Variants in DGKI observed in about 807,000 individuals in gnomAD.
The protein encoded by DGKI is DAG kinase iota.
In DGKI, 55 loss-of-function variants were observed where a neutral mutation model predicts 147.5. That is an observed-to-expected ratio of 0.37 (90% CI 0.30 to 0.47). DGKI has a LOEUF of 0.47. Among genes scored for constraint, DGKI ranks in the 20% least tolerant of loss-of-function variants. The pLI, the probability that DGKI is intolerant of heterozygous loss-of-function variation, is 1.00. For missense variants in DGKI, 1,007 were observed against 1,323.8 expected (o/e 0.76, Z 3.71); for synonymous variants, 469 against 477.1 (o/e 0.98, Z 0.22).
intron 19 of DGKI, among the ~76,000 whole-genome samples, chr7:137,561,246 A>C (rs574132366): frequency 6.6e-6 from 1 of 152,350 alleles, no homozygotes; most frequent in African/African-American, 2.4e-5. Context: ...TCAGCCATTA[A>C]AAAGAATGAA....
intron 1 of DGKI, among the ~76,000 whole-genome samples, chr7:137,745,873 A>T (rs1795310842): frequency 6.6e-6 from 1 of 152,222 alleles, no homozygotes; most frequent in African/African-American, 2.4e-5. Flanking sequence ...TTCGTTCTAG[A>T]TTTACTGTTG....
intron 8 of DGKI, among the ~76,000 whole-genome samples, chr7:137,617,668 C>T (rs867266509): frequency 2.2e-4 from 34 of 151,864 alleles, no homozygotes; most frequent in African/African-American, 7.7e-4. Flanking sequence ...TGACAAGGGA[C>T]CACCAGGGAT....
chr7:137,654,307 A>G (rs931710713), intron 5 of DGKI, among the ~76,000 whole-genome samples: 2 of 152,362 alleles, frequency 1.3e-5, no homozygotes, highest in African/African-American at 4.8e-5. Context: ...TCCAGGGCTC[A>G]TAGGAATAAC....
chr7:137,758,949 T>C (rs936624898), intron 1 of DGKI, among the ~76,000 whole-genome samples: 2 of 152,180 alleles, frequency 1.3e-5, no homozygotes, highest in Non-Finnish European at 2.9e-5. Flanking sequence ...AGTATGTATA[T>C]TCTTCTTAAA....
In DGKI at chr7:137,569,372, C is replaced by A. The variant is rs558608644; in HGVS notation, c.1947+1803G>T. Reference sequence around the variant, plus strand: ...GATCAGTGAATAAAGAATAAGTAACCCACGTATGGACAGTTTAGAGAGTTT... The same window carrying A: ...GATCAGTGAATAAAGAATAAGTAACACACGTATGGACAGTTTAGAGAGTTT... On this transcript the variant is annotated intron_variant, in intron 19 of 32. Coordinates refer to ENST00000614521, the MANE Select transcript of DGKI (RefSeq NM_001321708.2). Among the ~76,000 whole-genome samples, 4 of 152,040 alleles carry A rather than the reference C, an allele frequency of 2.6e-5. No homozygotes were observed. The East Asian group carries it at 7.8e-4, about 30-fold the overall frequency.
rs1812383946 is a variant in DGKI, at chr7:137,416,945, CATT to C, written c.2762-4741_2762-4739del. Among the ~76,000 whole-genome samples the C allele has an allele frequency of 3.3e-5, 5 of 152,250 alleles. No homozygotes were observed. In the South Asian group the frequency reaches 1.0e-3, roughly 32 times the overall value. On this transcript the variant is annotated intron_variant, in intron 28 of 32. Coordinates refer to ENST00000614521, the MANE Select transcript of DGKI (RefSeq NM_001321708.2). ...CACCCAAGGGTAGCTATTATGCAAA[CATT>C]ATTAGAAACAAGGCTCACTTCTCTC...
chr7:137,796,184 G>A (rs1283020662), intron 1 of DGKI, among the ~76,000 whole-genome samples: 1 of 152,098 alleles, frequency 6.6e-6, no homozygotes, highest in African/African-American at 2.4e-5. Context: ...TAGATATTGG[G>A]GTTACACAAA....
rs373196135 is a variant in DGKI at position 137,829,580 on chromosome 7, G to T, written c.401+16882C>A. Among the ~76,000 whole-genome samples, 205 of 152,330 alleles carry T rather than the reference G, an allele frequency of 1.3e-3. 5 individuals are homozygous for T. The South Asian group carries it at 0.041, about 30-fold the overall frequency. ...CATAAGGCCCTTATTTACTCAATGT[G>T]TGATTAGTGTAAAGAAGGAACCGGA... On this transcript the variant is annotated intron_variant, in intron 1 of 32. Coordinates refer to ENST00000614521, the MANE Select transcript of DGKI (RefSeq NM_001321708.2).
chr7:137,395,674 G>A lies in DGKI; in HGVS notation c.2981C>T (p.Ala994Val). ...CACAGCCCGGTTCCGCTGGCAGGCA[G>A]CCTTGTGCAGTGCAGTCTCACCCCT... ...SETGETALHK[A>V]ACQRNRAVCQ... The change falls in exon 32 of 33, where the codon GCT (alanine) becomes GTT (valine). Residue 994 changes from alanine to valine, a missense_variant. Transcript: ENST00000614521. 6.2e-7 allele frequency: 1 copy of A among 1,614,122 alleles called. No homozygotes were observed. The highest frequency in any genetic ancestry group is 8.5e-7 in the Non-Finnish European group (1 of 1,179,964).
In DGKI at chr7:137,463,560, A is replaced by G; in HGVS notation, c.2664T>C (p.Ser888=). The change falls in exon 27 of 33, where the codon AGT becomes AGC. Residue 888 remains serine, a synonymous_variant. Transcript: ENST00000614521. ...PALRKRMLSD[S]GLGMIAPYYE... ...AATAGGGAGCTATCATCCCCAGCCCACTGTCACTCAGCATGCGTTTCCGCA... is the reference window on the plus strand; with the variant it reads ...AATAGGGAGCTATCATCCCCAGCCCGCTGTCACTCAGCATGCGTTTCCGCA... 1 of 1,614,126 alleles carries G rather than the reference A, an allele frequency of 6.2e-7. No homozygotes were observed. The highest frequency in any genetic ancestry group is 8.5e-7 in the Non-Finnish European group (1 of 1,180,008).
At chr7:137,565,428 C>T (rs1818552160) in intron 19 of DGKI, among the ~76,000 whole-genome samples, 1 of 151,998 alleles carries the variant, frequency 6.6e-6, no homozygotes, top group Non-Finnish European at 1.5e-5. Context: ...TTTAATATTA[C>T]CTTTTTCTTA....
chr7:137,583,809 T>TA (rs1452141072), intron 14 of DGKI, among the ~76,000 whole-genome samples: 5 of 151,716 alleles, frequency 3.3e-5, no homozygotes, highest in African/African-American at 9.7e-5. Flanking sequence ...TCAAACACAT[T>TA]AAAAAAAAGC....
chr7:137,531,019 A>T (rs1221513539), intron 20 of DGKI, among the ~76,000 whole-genome samples: 2 of 152,154 alleles, frequency 1.3e-5, no homozygotes, highest in Admixed American at 6.6e-5. Context: ...TTAAAAAAGT[A>T]TTTTAAGGTA....
intron 1 of DGKI, among the ~76,000 whole-genome samples, chr7:137,791,185 T>C (rs1468482845): frequency 6.6e-6 from 1 of 152,170 alleles, no homozygotes; most frequent in Admixed American, 6.5e-5. Context: ...TTTTCTCTCT[T>C]TCCTTCTTAT....
intron 19 of DGKI, among the ~76,000 whole-genome samples, chr7:137,563,568 TAA>T (rs1442746489): frequency 1.3e-5 from 2 of 152,116 alleles, no homozygotes; most frequent in African/African-American, 4.8e-5. Flanking sequence ...CTGGATCTAA[TAA>T]GTCAATTTAG....
intron 1 of DGKI, among the ~76,000 whole-genome samples, chr7:137,777,664 G>A (rs10264117): frequency 0.024 from 3,621 of 152,222 alleles, 160 homozygotes; most frequent in African/African-American, 0.084. Context: ...CTATGTCACT[G>A]CTTTCGACTC....
At chr7:137,403,668 C>T (rs560161516) in intron 30 of DGKI, among the ~76,000 whole-genome samples, 2 of 152,282 alleles carry the variant, frequency 1.3e-5, no homozygotes, top group Admixed American at 1.3e-4. Context: ...TAAAGGCATC[C>T]TTACAGTCAA....
At chr7:137,546,725 T>G (rs1817879532) in intron 20 of DGKI, among the ~76,000 whole-genome samples, 1 of 152,210 alleles carries the variant, frequency 6.6e-6, no homozygotes, top group African/African-American at 2.4e-5. Flanking sequence ...ATAATTATTC[T>G]CTCCACTCTC....
intron 2 of DGKI, among the ~76,000 whole-genome samples, chr7:137,687,380 T>C (rs1245046227): frequency 6.6e-6 from 1 of 152,168 alleles, no homozygotes; most frequent in Non-Finnish European, 1.5e-5. Context: ...TTTCCATACA[T>C]TGAGTCCAGA....
Sources: gnomAD v4.1 joint callset for allele counts (sites outside exome capture counted in the v4.1 genomes callset) on GRCh38, gnomAD v4.1.1 for gene constraint, MANE v1.5 for transcripts, NCBI Gene and HGNC (gene_info 2026-07-23, HGNC 2026-07-21) for gene names.